Variants in MOB3B observed in about 807,000 individuals in gnomAD.
The protein encoded by MOB3B is MOB kinase activator-like 2B.
MOB3B carries 7 observed loss-of-function variants against 18.7 expected under a neutral mutation model. That is an observed-to-expected ratio of 0.37 (90% CI 0.21 to 0.70). The LOEUF (loss-of-function observed/expected upper bound fraction) is 0.70, where lower values mean the gene tolerates loss of function less well. Among genes scored for constraint, MOB3B ranks in the 30% least tolerant of loss-of-function variants. The probability of loss-of-function intolerance (pLI) is 0.52; values close to 1 mark genes in which losing one functional copy is unlikely to be tolerated. For missense variants in MOB3B, 253 were observed against 281.3 expected (o/e 0.90, Z 0.72); for synonymous variants, 111 against 99.9 (o/e 1.11, Z -0.66).
At chr9:27,522,304 C>A (rs975738203) in intron 1 of MOB3B, among the ~76,000 whole-genome samples, 3 of 146,144 alleles carry the variant, frequency 2.1e-5, no homozygotes, top group African/African-American at 7.5e-5. Context: ...TACTTGCTCA[C>A]CACAGAAAAC....
intron 2 of MOB3B, among the ~76,000 whole-genome samples, chr9:27,395,500 G>C (rs75985437): frequency 0.041 from 6,264 of 152,162 alleles, 432 homozygotes; most frequent in African/African-American, 0.14. Context: ...CAGACAGAGA[G>C]AGGCAGGTTC....
intron 1 of MOB3B, among the ~76,000 whole-genome samples, chr9:27,490,486 T>G (rs1314303951): frequency 2.0e-5 from 3 of 152,170 alleles, no homozygotes; most frequent in Non-Finnish European, 4.4e-5. Context: ...GGAGATGAGA[T>G]TTGAATGTGG....
intron 2 of MOB3B, among the ~76,000 whole-genome samples, chr9:27,371,199 G>T (rs1210008893): frequency 6.6e-6 from 1 of 152,200 alleles, no homozygotes; most frequent in East Asian, 1.9e-4. Context: ...AGGAGGTGGG[G>T]GCAAGGGAGA....
chr9:27,415,406 G>A (rs1426406713), intron 2 of MOB3B, among the ~76,000 whole-genome samples: 2 of 142,472 alleles, frequency 1.4e-5, no homozygotes, highest in African/African-American at 2.6e-5. Context: ...AATGATATAT[G>A]GGAACTATGT....
chr9:27,387,937 AT>A (rs1338755309), intron 2 of MOB3B, among the ~76,000 whole-genome samples: 4 of 151,814 alleles, frequency 2.6e-5, no homozygotes, highest in African/African-American at 9.7e-5. Flanking sequence ...ACTAGAAATG[AT>A]TTTGCCCCCC....
At chr9:27,404,299 G>A (rs755085402) in intron 2 of MOB3B, among the ~76,000 whole-genome samples, 1 of 141,138 alleles carries the variant, frequency 7.1e-6, no homozygotes, top group Non-Finnish European at 1.5e-5. Flanking sequence ...ATATTCCATT[G>A]TGCATATAAA....
chr9:27,504,189 G>A (rs1370107112), intron 1 of MOB3B, among the ~76,000 whole-genome samples: 6 of 152,156 alleles, frequency 3.9e-5, no homozygotes, highest in East Asian at 1.9e-4. Flanking sequence ...ACATTTATAC[G>A]TTGGTATTCA....
At position 27,385,470 on chromosome 9, in the gene MOB3B, AG is replaced by A. The variant is rs887696311; in HGVS notation, c.419-26235del. 2.6e-5 allele frequency among the ~76,000 whole-genome samples: 4 copies of A among 152,252 alleles called. No individual in the cohort carries two copies. The East Asian group carries it at 7.7e-4, about 29-fold the overall frequency. On this transcript the variant is annotated intron_variant, in intron 2 of 3. Coordinates refer to ENST00000262244, the MANE Select transcript of MOB3B (RefSeq NM_024761.5). The stretch of plus-strand genomic sequence containing the variant: ...GCCTAAGGGGCCTTGGTGAGGTGTC[AG>A]GGTGGTGAGGGGTTGAGAGGGTGGG...
intron 2 of MOB3B, among the ~76,000 whole-genome samples, chr9:27,366,127 G>A (rs1587158744): frequency 6.6e-6 from 1 of 152,286 alleles, no homozygotes; most frequent in South Asian, 2.1e-4. Flanking sequence ...AGACAGCCTT[G>A]TAGCCCTGTC....
At chr9:27,516,560 T>C (rs530805371) in intron 1 of MOB3B, among the ~76,000 whole-genome samples, 16 of 152,324 alleles carry the variant, frequency 1.1e-4, no homozygotes, top group African/African-American at 3.9e-4. Flanking sequence ...CAGTGTTATG[T>C]TCAAAATTCT....
intron 2 of MOB3B, among the ~76,000 whole-genome samples, chr9:27,454,792 T>G (rs1386522726): frequency 6.6e-6 from 1 of 152,240 alleles, no homozygotes; most frequent in Non-Finnish European, 1.5e-5. Context: ...AGAGTCCATG[T>G]AACTTTAGTC....
chr9:27,396,033 C>A (rs545932169), intron 2 of MOB3B, among the ~76,000 whole-genome samples: 1 of 152,006 alleles, frequency 6.6e-6, no homozygotes, highest in Non-Finnish European at 1.5e-5. Flanking sequence ...ATACTGAGCA[C>A]AAGGTGCCTG....
rs1316659487 is a variant in MOB3B, at chr9:27,470,954, G to A, written c.-198-15206C>T. On this transcript the variant is annotated intron_variant, in intron 1 of 3. Transcript: ENST00000262244. ...CACTTTTCCCCTTTTGAGCTCTGGC[G>A]GCTCTGGTAGAAGGTGGTGGCTGCT... 3.3e-5 allele frequency among the ~76,000 whole-genome samples: 5 copies of A among 151,698 alleles called. No individual in the cohort carries two copies. The Middle Eastern group carries it at 0.014, about 413-fold the overall frequency.
intron 2 of MOB3B, among the ~76,000 whole-genome samples, chr9:27,411,452 G>A (rs1160002700): frequency 1.3e-5 from 2 of 152,180 alleles, no homozygotes; most frequent in East Asian, 1.9e-4. Flanking sequence ...GGCCATAGAC[G>A]GGTAAGAGAG....
intron 2 of MOB3B, among the ~76,000 whole-genome samples, chr9:27,369,850 G>A (rs532866868): frequency 8.0e-4 from 122 of 151,662 alleles, no homozygotes; most frequent in Non-Finnish European, 1.6e-3. Flanking sequence ...GTCCTCCCTG[G>A]CCACCTCACC....
At chr9:27,487,844 G>A (rs551089833) in intron 1 of MOB3B, among the ~76,000 whole-genome samples, 1 of 152,238 alleles carries the variant, frequency 6.6e-6, no homozygotes, top group African/African-American at 2.4e-5. Context: ...TATCATCATG[G>A]CTTCTGCCTT....
intron 2 of MOB3B, among the ~76,000 whole-genome samples, chr9:27,406,018 C>A (rs1821963958): frequency 6.6e-6 from 1 of 152,088 alleles, no homozygotes; most frequent in African/African-American, 2.4e-5. Context: ...TGGAACAAGA[C>A]AAGAATGCCT....
intron 2 of MOB3B, among the ~76,000 whole-genome samples, chr9:27,414,642 C>T (rs756047369): frequency 3.3e-5 from 5 of 152,142 alleles, no homozygotes; most frequent in Non-Finnish European, 5.9e-5. Context: ...ACCAGTTACA[C>T]GTGGTGCAGT....
At chr9:27,440,817 T>A (rs911194717) in intron 2 of MOB3B, among the ~76,000 whole-genome samples, 2 of 152,076 alleles carry the variant, frequency 1.3e-5, no homozygotes, top group African/African-American at 4.8e-5. Flanking sequence ...TGAATACTGA[T>A]GTGAAATGCC....
Sources: allele counts gnomAD v4.1 joint callset (sites outside exome capture counted in the v4.1 genomes callset), GRCh38; gene constraint gnomAD v4.1.1; transcripts MANE v1.5; gene names NCBI Gene and HGNC (gene_info 2026-07-23, HGNC 2026-07-21).